NEDD9: variants seen among roughly 807,000 people sequenced by gnomAD.
The protein encoded by NEDD9 is enhancer of filamentation 1.
Under a neutral mutation model 76.6 loss-of-function variants are expected in NEDD9, and 26 were observed. The ratio of observed to expected loss-of-function variants is 0.34; its 90% CI spans 0.25 to 0.47. The LOEUF (loss-of-function observed/expected upper bound fraction) is 0.47, where lower values mean the gene tolerates loss of function less well. Among genes scored for constraint, NEDD9 ranks in the 20% least tolerant of loss-of-function variants. The pLI is 1.00. For missense variants in NEDD9, 937 were observed against 1,058.5 expected, an observed-to-expected ratio of 0.89 and a Z score of 1.59; for synonymous variants, 392 against 414.2, an observed-to-expected ratio of 0.95 and a Z score of 0.65.
intron 2 of NEDD9, among the ~76,000 whole-genome samples, chr6:11,319,148 C>G (rs1285041799): frequency 1.3e-5 from 2 of 152,226 alleles, no homozygotes; most frequent in African/African-American, 4.8e-5. Flanking sequence ...AAAAGATTCC[C>G]CTGGCTCTTC....
chr6:11,196,319 A>G (rs1758292707), intron 2 of NEDD9, among the ~76,000 whole-genome samples: 1 of 151,980 alleles, frequency 6.6e-6, no homozygotes, highest in African/African-American at 2.4e-5. Flanking sequence ...AAAACAAAAC[A>G]AACAAACAAA....
intron 1 of NEDD9, among the ~76,000 whole-genome samples, chr6:11,229,521 C>G (rs1456042615): frequency 1.3e-5 from 2 of 152,110 alleles, no homozygotes; most frequent in Admixed American, 1.3e-4. Flanking sequence ...TCCAGACCCT[C>G]AGGAGGGAGC....
Position 11,232,536 on chromosome 6 carries a change from C to G in NEDD9, c.-21G>C. 1 of 1,614,156 alleles carries G rather than the reference C, an allele frequency of 6.2e-7. No homozygotes were observed. Among genetic ancestry groups the G allele is most frequent in the East Asian group, 2.2e-5 (1 of 44,892 alleles). On this transcript the variant is annotated 5_prime_UTR_variant, in exon 1 of 7. Coordinates refer to ENST00000379446, the MANE Select transcript of NEDD9 (RefSeq NM_006403.4). ...TTCATTTCGGCAGCGGTGGGTTGAG[C>G]CGTTTTCCTACACTAGTTAAGACAG...
Position 11,213,293 on chromosome 6 carries a change from G to T in NEDD9, c.447C>A (p.His149Gln). Residue 149 changes from histidine to glutamine, a missense_variant, in exon 2 of 7, where the codon CAC (histidine) becomes CAA (glutamine). Coordinates refer to ENST00000379446, the MANE Select transcript of NEDD9 (RefSeq NM_006403.4). The surrounding 1 kb of genome is among the most constrained non-coding windows in gnomAD (Gnocchi z 5.4). ...QRSIGGTSGP[H>Q]VGKKVITPVR... Reference sequence around the variant, plus strand: ...GTCATTTACTCACCTTTTTACCCACGTGGGGCCCACTGGTTCCCCCAATGC... The same window carrying T: ...GTCATTTACTCACCTTTTTACCCACTTGGGGCCCACTGGTTCCCCCAATGC... The T allele has an allele frequency of 6.2e-7, 1 of 1,603,876 alleles. No homozygotes were observed. The highest frequency in any genetic ancestry group is 8.5e-7 in the Non-Finnish European group (1 of 1,172,334).
chr6:11,294,810 C>T (rs766161535), intron 3 of NEDD9, among the ~76,000 whole-genome samples: 4 of 152,122 alleles, frequency 2.6e-5, no homozygotes, highest in East Asian at 1.9e-4. Context: ...ATTAGTGATA[C>T]GGTTTGGCTG....
chr6:11,248,781 G>A (rs923635245), intron 3 of NEDD9, among the ~76,000 whole-genome samples: 4 of 152,190 alleles, frequency 2.6e-5, no homozygotes, highest in African/African-American at 9.7e-5. Context: ...AAACTTGCTC[G>A]ATGGGAAACT....
chr6:11,281,500 G>A (rs996133690), intron 3 of NEDD9, among the ~76,000 whole-genome samples: 4 of 152,198 alleles, frequency 2.6e-5, no homozygotes, highest in African/African-American at 9.6e-5. Flanking sequence ...TGGAGCTACA[G>A]CAGTCCCCCC....
chr6:11,276,099 G>A (rs1220499495), intron 3 of NEDD9, among the ~76,000 whole-genome samples: 1 of 152,190 alleles, frequency 6.6e-6, no homozygotes, highest in African/African-American at 2.4e-5. Flanking sequence ...CAAACAATAC[G>A]CTAGATTTGG....
chr6:11,366,779 A>C (rs1418887538), intron 1 of NEDD9, among the ~76,000 whole-genome samples: 2 of 152,210 alleles, frequency 1.3e-5, no homozygotes, highest in African/African-American at 2.4e-5. Context: ...GTGTCATCTG[A>C]TCAGTTGCCC....
intron 1 of NEDD9, among the ~76,000 whole-genome samples, chr6:11,373,779 A>G (rs1055649214): frequency 2.6e-5 from 4 of 152,242 alleles, no homozygotes; most frequent in Non-Finnish European, 5.9e-5. Flanking sequence ...CTGCAAAGCT[A>G]TCTTCTTTAA....
chr6:11,225,221 TC>T (rs1368116302), intron 1 of NEDD9, among the ~76,000 whole-genome samples: 1 of 152,240 alleles, frequency 6.6e-6, no homozygotes, highest in East Asian at 1.9e-4. Flanking sequence ...TGTTGCTAAA[TC>T]TTTGTTTCCT....
intron 2 of NEDD9, among the ~76,000 whole-genome samples, chr6:11,196,584 T>A (rs2146341): frequency 0.86 from 130,309 of 152,114 alleles, 55,946 homozygotes; most frequent in East Asian, 1. Flanking sequence ...GCCTGTGGTC[T>A]TCTGGTTTTT....
Position 11,185,078 on chromosome 6 carries a change from T to C in NEDD9, c.*84A>G. The C allele has an allele frequency of 7.1e-7, 1 of 1,415,514 alleles. No individual in the cohort carries two copies. Among genetic ancestry groups the C allele is most frequent in the Non-Finnish European group, 9.5e-7 (1 of 1,051,890 alleles). The allele number at this position is 1,415,514 out of a possible 1,614,324, so 87.7% of individuals were successfully genotyped here. On this transcript the variant is annotated 3_prime_UTR_variant, in exon 7 of 7. Transcript: ENST00000379446. ...TTTTTATATAAAATATCTACAAAAA[T>C]AGATAACATTTACAAAAACCAGACA...
At chr6:11,226,072 G>A (rs1202861944) in intron 1 of NEDD9, among the ~76,000 whole-genome samples, 1 of 152,130 alleles carries the variant, frequency 6.6e-6, no homozygotes, top group Non-Finnish European at 1.5e-5. Flanking sequence ...GGGTACAAAA[G>A]GTTACCAACA....
chr6:11,188,339 G>T, intron 5 of NEDD9, 32 bp from the exon 6 acceptor site: 2 of 1,504,050 alleles, frequency 1.3e-6, no homozygotes, highest in Non-Finnish European at 9.3e-7. Flanking sequence ...AACATATTAT[G>T]TCATCACTGT....
intron 3 of NEDD9, among the ~76,000 whole-genome samples, chr6:11,192,967 T>C (rs115175262): frequency 0.033 from 4,609 of 139,634 alleles, 399 homozygotes; most frequent in Admixed American, 0.14. Context: ...AAAGATCTTA[T>C]GTGAAATATC....
At chr6:11,374,899 C>CT (rs948893079) in intron 1 of NEDD9, among the ~76,000 whole-genome samples, 202 of 152,190 alleles carry the variant, frequency 1.3e-3, no homozygotes, top group Admixed American at 2.4e-3. Flanking sequence ...CAGGAAGATT[C>CT]TTTTTTTTCT....
chr6:11,329,061 A>G (rs553050026), intron 2 of NEDD9, among the ~76,000 whole-genome samples: 1 of 152,338 alleles, frequency 6.6e-6, no homozygotes, highest in Non-Finnish European at 1.5e-5. Flanking sequence ...CACAAGCATG[A>G]CATCATGTTC....
intron 1 of NEDD9, among the ~76,000 whole-genome samples, chr6:11,336,159 C>T (rs941616456): frequency 2.6e-5 from 4 of 152,238 alleles, no homozygotes; most frequent in Non-Finnish European, 5.9e-5. Context: ...TCCTTGGCAT[C>T]GCCAAGTGGA....
Sources: gnomAD v4.1 joint callset for allele counts (sites outside exome capture counted in the v4.1 genomes callset) on GRCh38, gnomAD v4.1.1 for gene constraint, Gnocchi (gnomAD v3.1) non-coding constraint, MANE v1.5 for transcripts, NCBI Gene and HGNC (gene_info 2026-07-23, HGNC 2026-07-21) for gene names.